The following SOBP variants were observed in gnomAD, a reference collection of about 807,000 sequenced individuals.
SOBP encodes sine oculis-binding protein homolog.
A neutral mutation model predicts 53.6 loss-of-function variants in SOBP; 4 were observed. That is an observed-to-expected ratio of 0.07 (90% CI 0.04 to 0.17). The LOEUF (loss-of-function observed/expected upper bound fraction) is 0.17, where lower values mean the gene tolerates loss of function less well. SOBP is among the 10% of genes least tolerant of loss of function. The pLI is 1.00. For missense variants in SOBP, 1,088 were observed against 1,204.7 expected, an observed-to-expected ratio of 0.90 and a Z score of 1.43; for synonymous variants, 584 against 522.6, an observed-to-expected ratio of 1.12 and a Z score of -1.60.
chr6:107,645,636 C>T (rs1349792090), intron 6 of SOBP, among the ~76,000 whole-genome samples: 1 of 152,176 alleles, frequency 6.6e-6, no homozygotes, highest in Admixed American at 6.5e-5. Flanking sequence ...GGGTCCAGTT[C>T]ACTCATTGTT....
chr6:107,651,140 A>C (rs1771786123), intron 6 of SOBP, among the ~76,000 whole-genome samples: 1 of 152,048 alleles, frequency 6.6e-6, no homozygotes, highest in African/African-American at 2.4e-5. Flanking sequence ...GATGGTGCAC[A>C]CCTGTAGTCC....
chr6:107,554,890 T>C (rs1477523670), intron 4 of SOBP, among the ~76,000 whole-genome samples: 4 of 152,176 alleles, frequency 2.6e-5, no homozygotes, highest in East Asian at 1.9e-4. Context: ...GAAACTGTTA[T>C]TCTGTGAGCC....
chr6:107,540,935 A>C (rs1269009082), intron 4 of SOBP, among the ~76,000 whole-genome samples: 1 of 152,214 alleles, frequency 6.6e-6, no homozygotes, highest in Non-Finnish European at 1.5e-5. Flanking sequence ...AAACTATGGA[A>C]TATTATTTAA....
At chr6:107,602,326 T>C (rs926515577) in intron 5 of SOBP, among the ~76,000 whole-genome samples, 3 of 152,194 alleles carry the variant, frequency 2.0e-5, no homozygotes, top group Non-Finnish European at 4.4e-5. Flanking sequence ...GGGTTGTCTA[T>C]CCGAGCAGTG....
At chr6:107,652,546 A>T (rs1381276846) in intron 6 of SOBP, among the ~76,000 whole-genome samples, 1 of 152,256 alleles carries the variant, frequency 6.6e-6, no homozygotes, top group African/African-American at 2.4e-5. Context: ...ATGAAATTAC[A>T]ACAAAGGATT....
rs748790662 is a variant in SOBP, at chr6:107,578,248, TC to T, written c.574-8826del. Among the ~76,000 whole-genome samples, 7 of 147,708 alleles carry T rather than the reference TC, an allele frequency of 4.7e-5. No homozygotes were observed. The East Asian group carries it at 1.0e-3, about 22-fold the overall frequency. Reference sequence around the variant, plus strand: ...CCCCCACCCCGCACCCTCCCTCCCTTCCCCCCATTCTGTTATATTTGTCATT... The same window carrying T: ...CCCCCACCCCGCACCCTCCCTCCCTTCCCCCATTCTGTTATATTTGTCATT... On this transcript the variant is annotated intron_variant, in intron 4 of 6. Transcript: ENST00000317357.
chr6:107,532,241 T>TCTCACACACACACA (rs373567492), intron 3 of SOBP, among the ~76,000 whole-genome samples: 20 of 139,742 alleles, frequency 1.4e-4, no homozygotes, highest in South Asian at 2.4e-4. Context: ...TCTCTCTCTC[T>TCTCACACACACACA]CACACACACA....
At chr6:107,555,746 A>G (rs1030428702) in intron 4 of SOBP, among the ~76,000 whole-genome samples, 13 of 152,250 alleles carry the variant, frequency 8.5e-5, no homozygotes, top group Admixed American at 8.5e-4. Flanking sequence ...GGCATCTGCC[A>G]TCTTGCCTGT....
chr6:107,533,288 A>AG (rs1783891774), intron 3 of SOBP, among the ~76,000 whole-genome samples, 171 bp from the exon 4 acceptor site: 1 of 150,132 alleles, frequency 6.7e-6, no homozygotes, highest in African/African-American at 2.4e-5. Context: ...AAAAAAAAAA[A>AG]AAAAAAAAGA....
At chr6:107,650,564 A>T (rs1453012239) in intron 6 of SOBP, among the ~76,000 whole-genome samples, 1 of 152,218 alleles carries the variant, frequency 6.6e-6, no homozygotes. Context: ...ATTTGTGATC[A>T]GTGATCTTGG....
At position 107,635,496 on chromosome 6, in the gene SOBP, C is replaced by T. The variant is rs746161555; in HGVS notation, c.*3+27C>T. On this transcript the variant is annotated intron_variant, in intron 6 of 6. Coordinates refer to ENST00000317357, the MANE Select transcript of SOBP (RefSeq NM_018013.4). The surrounding 1 kb of genome is among the most constrained non-coding windows in gnomAD (Gnocchi z 4.5). ...TTTGTATGTCCGCCGGGCGCTCCTC[C>T]ACACCAGCCAGTGCACCTCTCCTTA... 3.1e-6 allele frequency: 5 copies of T among 1,610,690 alleles called. No homozygotes were observed. The South Asian group carries it at 3.3e-5, about 11-fold the overall frequency.
intron 3 of SOBP, among the ~76,000 whole-genome samples, chr6:107,512,161 T>C (rs75738687): frequency 6.6e-6 from 1 of 152,344 alleles, no homozygotes; most frequent in East Asian, 1.9e-4. Context: ...TTTGAACAAA[T>C]GTAAAAACCT....
At chr6:107,624,598 C>T (rs577115060) in intron 5 of SOBP, among the ~76,000 whole-genome samples, 31 of 152,168 alleles carry the variant, frequency 2.0e-4, no homozygotes, top group Non-Finnish European at 4.4e-4. Flanking sequence ...ACAAAATAGA[C>T]TGCCTCAATT....
intron 6 of SOBP, among the ~76,000 whole-genome samples, chr6:107,648,000 T>C (rs945114784): frequency 6.6e-6 from 1 of 152,188 alleles, no homozygotes; most frequent in Non-Finnish European, 1.5e-5. Flanking sequence ...GCATTTGTAC[T>C]AATATGAAGC....
chr6:107,657,228 G>A (rs934609405), intron 6 of SOBP, among the ~76,000 whole-genome samples: 3 of 152,136 alleles, frequency 2.0e-5, no homozygotes, highest in East Asian at 1.9e-4. Context: ...AGTGACTGGC[G>A]GCAAATGAAA....
chr6:107,506,286 T>G lies in SOBP; in HGVS notation c.280T>G (p.Ser94Ala). The G allele has an allele frequency of 6.2e-7, 1 of 1,614,222 alleles. No homozygotes were observed. The highest frequency in any genetic ancestry group is 8.5e-7 in the Non-Finnish European group (1 of 1,180,046). Residue 94 changes from serine to alanine, a missense_variant, in exon 3 of 7, where the codon TCA becomes GCA. By Grantham distance (99) the Ser-to-Ala change is moderately conservative. Coordinates refer to ENST00000317357, the MANE Select transcript of SOBP (RefSeq NM_018013.4). ...AAAATTACCCGAGGACAGTGTTATT[T>G]CACCATACAATATAAGCACAGGCTA... ...KPKLPEDSVI[S>A]PYNISTGYSG...
intron 4 of SOBP, among the ~76,000 whole-genome samples, chr6:107,565,344 C>T (rs1403440532): frequency 2.6e-5 from 4 of 152,180 alleles, no homozygotes; most frequent in African/African-American, 7.2e-5. Flanking sequence ...CAAGGCTGCC[C>T]CTGCAGGTTC....
At chr6:107,513,363 C>T (rs755136632) in intron 3 of SOBP, among the ~76,000 whole-genome samples, 2 of 152,092 alleles carry the variant, frequency 1.3e-5, no homozygotes, top group Non-Finnish European at 2.9e-5. Flanking sequence ...ATTAGCTTAA[C>T]GGAGAATATG....
intron 1 of SOBP, among the ~76,000 whole-genome samples, chr6:107,500,114 A>G (rs1453963452): frequency 1.3e-5 from 2 of 152,190 alleles, no homozygotes; most frequent in Non-Finnish European, 2.9e-5. Flanking sequence ...ATGTTTCTTC[A>G]GGCATAGTAG....
Sources: allele counts gnomAD v4.1 joint callset (sites outside exome capture counted in the v4.1 genomes callset), GRCh38; gene constraint gnomAD v4.1.1; non-coding constraint Gnocchi (gnomAD v3.1); transcripts MANE v1.5; gene names NCBI Gene and HGNC (gene_info 2026-07-23, HGNC 2026-07-21).